RABGAP1: variants seen among roughly 807,000 people sequenced by gnomAD.
RABGAP1 encodes rab GTPase-activating protein 1.
In RABGAP1, 23 loss-of-function variants were observed where a neutral mutation model predicts 137.6. The ratio of observed to expected loss-of-function variants is 0.17; its 90% CI spans 0.12 to 0.24. The LOEUF (loss-of-function observed/expected upper bound fraction) is 0.24. Ranked by LOEUF, RABGAP1 falls within the 10% of genes least tolerant of loss-of-function variation. The pLI is 1.00. For synonymous variants in RABGAP1, 451 were observed against 450.7 expected (o/e 1.00, Z -0.01); for missense variants, 906 against 1,275.8 (o/e 0.71, Z 4.42).
At chr9:123,068,095 A>G (rs780739923) in intron 14 of RABGAP1, among the ~76,000 whole-genome samples, 1 of 152,198 alleles carries the variant, frequency 6.6e-6, no homozygotes, top group African/African-American at 2.4e-5. Flanking sequence ...TATGCTTACA[A>G]TCCCAGGACT....
chr9:123,079,229 GTTTTGTTTTGTTTTTTTT>G (rs2132170775), intron 19 of RABGAP1, among the ~76,000 whole-genome samples: 2 of 107,960 alleles, frequency 1.9e-5, no homozygotes, highest in African/African-American at 5.7e-5. Flanking sequence ...TTGTTTTTTT[GTTTTGTTTTGTTTTTTTT>G]TTTTTTTTTT....
rs532670470 is a variant in RABGAP1 at position 123,018,085 on chromosome 9, C to A, written c.1644-2224C>A. Among the ~76,000 whole-genome samples the A allele has an allele frequency of 2.9e-3, 447 of 152,284 alleles. 2 individuals are homozygous for A. Among genetic ancestry groups the A allele is most frequent in the African/African-American group, 0.01 (423 of 41,548 alleles). On this transcript the variant is annotated intron_variant, in intron 12 of 25. Coordinates refer to ENST00000373647, the MANE Select transcript of RABGAP1 (RefSeq NM_012197.4). ...CTCGGCTCACTGCAGGCTCTGCCCC[C>A]CGGGGTTCATGCCATTCTCCTGCCT... is the stretch of plus-strand genomic sequence containing the variant.
At chr9:123,097,976 T>TC (rs2035233591) in intron 22 of RABGAP1, 131 bp downstream of exon 22, 1 of 695,938 alleles carries the variant, frequency 1.4e-6, no homozygotes, top group East Asian at 2.8e-5. Flanking sequence ...ACTTTTTTTT[T>TC]CCCCCTACTG....
intron 2 of RABGAP1, among the ~76,000 whole-genome samples, chr9:122,959,888 G>C (rs1185438705): frequency 3.9e-5 from 6 of 152,190 alleles, no homozygotes; most frequent in Non-Finnish European, 8.8e-5. Flanking sequence ...TTTGGGCAGA[G>C]CAACTAACCC....
chr9:122,949,782 C>G (rs1834134034), intron 1 of RABGAP1, among the ~76,000 whole-genome samples: 1 of 138,238 alleles, frequency 7.2e-6, no homozygotes, highest in Non-Finnish European at 1.6e-5. Flanking sequence ...AACTAAAAAA[C>G]AAAAAGCCTG....
chr9:122,998,282 T>G (rs1837143717), intron 9 of RABGAP1, among the ~76,000 whole-genome samples: 1 of 152,044 alleles, frequency 6.6e-6, no homozygotes, highest in Non-Finnish European at 1.5e-5. Flanking sequence ...GTATTTTTAG[T>G]AGAGACAAGG....
At chr9:122,986,729 A>G (rs2131756629) in intron 4 of RABGAP1, among the ~76,000 whole-genome samples, 1 of 152,350 alleles carries the variant, frequency 6.6e-6, no homozygotes, top group Middle Eastern at 3.4e-3. Flanking sequence ...TGATGAAAAT[A>G]CAAGCTTGAC....
chr9:123,057,094 C>G (rs1402710207), intron 13 of RABGAP1, among the ~76,000 whole-genome samples: 1 of 145,062 alleles, frequency 6.9e-6, no homozygotes, highest in Admixed American at 6.8e-5. Context: ...GGCGGCTGGC[C>G]GGGCGGGGGG....
rs181548526 is a variant in RABGAP1 at position 122,959,171 on chromosome 9, G to A, written c.150+1962G>A. Among the ~76,000 whole-genome samples the A allele has an allele frequency of 2.2e-3, 338 of 152,124 alleles. 1 individual carries two copies. The highest frequency in any genetic ancestry group is 3.9e-3 in the Non-Finnish European group (268 of 67,998). ...GAGGCCCAAATGAAGTGAGGAGGAA[G>A]GCCATGGAAAAATCTGGGAAAAGAG... On this transcript the variant is annotated intron_variant, in intron 2 of 25. Coordinates refer to ENST00000373647, the MANE Select transcript of RABGAP1 (RefSeq NM_012197.4).
chr9:122,936,670 G>C (rs1833392393), upstream of RABGAP1, among the ~76,000 whole-genome samples: 2 of 152,224 alleles, frequency 1.3e-5, no homozygotes, highest in Admixed American at 6.5e-5. Context: ...CTGAAGTGCA[G>C]GTGCAGAGGC....
chr9:123,001,784 C>T (rs1223075004), intron 10 of RABGAP1, among the ~76,000 whole-genome samples: 1 of 152,182 alleles, frequency 6.6e-6, no homozygotes, highest in African/African-American at 2.4e-5. Context: ...AAAAACTATA[C>T]AACATGCTTA....
At chr9:123,029,776 C>A in intron 13 of RABGAP1, 1 of 576,242 alleles carries the variant, frequency 1.7e-6, no homozygotes, top group Non-Finnish European at 3.3e-6. Flanking sequence ...AGAGCAGTGG[C>A]GAACACTGCA....
Position 122,995,925 on chromosome 9 carries a change from A to G in RABGAP1, c.924-116A>G, listed in dbSNP as rs556655503. 5.5e-6 allele frequency: 8 copies of G among 1,455,130 alleles called. No homozygotes were observed. The South Asian group carries it at 9.4e-5, about 17-fold the overall frequency. The allele number at this position is 1,455,130 out of a possible 1,614,324, so 90.1% of individuals were successfully genotyped here. On this transcript the variant is annotated intron_variant, in intron 6 of 25. Coordinates refer to ENST00000373647, the MANE Select transcript of RABGAP1 (RefSeq NM_012197.4). ...AATGATTTTTTTCTTTTTTGTTATT[A>G]TTTGCAAACTAGGCACAGAAAAGAA... is the stretch of plus-strand genomic sequence containing the variant.
intron 2 of RABGAP1, among the ~76,000 whole-genome samples, chr9:122,974,189 G>C (rs1835633976): frequency 6.6e-6 from 1 of 151,980 alleles, no homozygotes; most frequent in Non-Finnish European, 1.5e-5. Flanking sequence ...TAGAATCTAG[G>C]TATGAGCGAA....
chr9:123,018,708 AG>A (rs947925481), intron 12 of RABGAP1, among the ~76,000 whole-genome samples: 1 of 152,256 alleles, frequency 6.6e-6, no homozygotes, highest in Non-Finnish European at 1.5e-5. Flanking sequence ...CACTTGCATT[AG>A]GGCACCAGTG....
At chr9:122,968,119 AT>A (rs942266595) in intron 2 of RABGAP1, among the ~76,000 whole-genome samples, 8 of 151,754 alleles carry the variant, frequency 5.3e-5, no homozygotes, top group African/African-American at 1.9e-4. Context: ...GACATGAGAC[AT>A]TTTCGTACAG....
rs895474492 is a variant in RABGAP1, at chr9:123,103,335, C to T, written c.*122C>T. The T allele has an allele frequency of 1.3e-4, 182 of 1,442,540 alleles. No individual in the cohort carries two copies. The highest frequency in any genetic ancestry group is 2.5e-4 in the Middle Eastern group (1 of 4,052). The allele number at this position is 1,442,540 out of a possible 1,614,324, so 89.4% of individuals were successfully genotyped here. On this transcript the variant is annotated 3_prime_UTR_variant, in exon 26 of 26. Transcript: ENST00000373647. ...AATGTACCTAAGTCAGATCCATAGA[C>T]GCATGTTGGTAGGTCACTGGACCAG...
intron 4 of RABGAP1, among the ~76,000 whole-genome samples, chr9:122,988,836 G>A (rs937923052): frequency 1.8e-4 from 28 of 151,798 alleles, no homozygotes; most frequent in African/African-American, 6.8e-4. Flanking sequence ...CCAGCTACTT[G>A]GGAGGCTGAG....
intron 13 of RABGAP1, among the ~76,000 whole-genome samples, chr9:123,056,962 T>TCATG (rs1232568657): frequency 6.6e-6 from 1 of 152,236 alleles, no homozygotes; most frequent in Non-Finnish European, 1.5e-5. Flanking sequence ...GCCATTGTCA[T>TCATG]CATGGCCCGT....
Sources: gnomAD v4.1 joint callset for allele counts (sites outside exome capture counted in the v4.1 genomes callset) on GRCh38, gnomAD v4.1.1 for gene constraint, MANE v1.5 for transcripts, NCBI Gene and HGNC (gene_info 2026-07-23, HGNC 2026-07-21) for gene names.